Variants in DPYD observed in about 807,000 individuals in gnomAD.
DPYD encodes the protein dihydropyrimidine dehydrogenase, also known as dihydropyrimidine dehydrogenase [NADP(+)].
A neutral mutation model predicts 116.2 loss-of-function variants in DPYD; 109 were observed. The ratio of observed to expected loss-of-function variants is 0.94; its 90% CI spans 0.80 to 1.10. The LOEUF is 1.10. Among genes scored for constraint, DPYD ranks in the 50% least tolerant of loss-of-function variants. DPYD has a pLI of 0.00. For synonymous variants in DPYD, 440 were observed against 432.0 expected (o/e 1.02, Z -0.23); for missense variants, 1,302 against 1,254.5 (o/e 1.04, Z -0.57).
At chr1:97,268,342 C>G (rs1216354832) in intron 18 of DPYD, among the ~76,000 whole-genome samples, 7 of 152,126 alleles carry the variant, frequency 4.6e-5, no homozygotes, top group Admixed American at 4.6e-4. Context: ...GCCTCACTCC[C>G]ATGGCTCTAC....
intron 10 of DPYD, among the ~76,000 whole-genome samples, chr1:97,586,890 A>G (rs61789247): frequency 6.6e-6 from 1 of 152,276 alleles, no homozygotes; most frequent in South Asian, 2.1e-4. Context: ...TAAAATTTTC[A>G]GTATAGAGCT....
At chr1:97,758,058 T>C (rs1036667535) in intron 3 of DPYD, among the ~76,000 whole-genome samples, 4 of 152,142 alleles carry the variant, frequency 2.6e-5, no homozygotes, top group Admixed American at 2.0e-4. Context: ...ACTTCAGTCA[T>C]AGGGCAATCA....
At chr1:97,108,176 G>C (rs1243094398) in intron 20 of DPYD, among the ~76,000 whole-genome samples, 1 of 152,034 alleles carries the variant, frequency 6.6e-6, no homozygotes, top group Non-Finnish European at 1.5e-5. Context: ...CATCTTGCTG[G>C]GGGAGGTAAT....
intron 3 of DPYD, among the ~76,000 whole-genome samples, chr1:97,823,555 G>A (rs565515422): frequency 2.6e-5 from 4 of 151,994 alleles, no homozygotes; most frequent in Non-Finnish European, 5.9e-5. Flanking sequence ...TGAGATGAAC[G>A]TCTTTAAATT....
At chr1:97,477,259 T>G (rs571616662) in intron 13 of DPYD, among the ~76,000 whole-genome samples, 1 of 152,362 alleles carries the variant, frequency 6.6e-6, no homozygotes, top group Admixed American at 6.5e-5. Flanking sequence ...AGGAGCTGAT[T>G]CTATCTCAAT....
intron 13 of DPYD, among the ~76,000 whole-genome samples, chr1:97,456,419 TC>T (rs1676689115): frequency 6.6e-6 from 1 of 152,068 alleles, no homozygotes; most frequent in Non-Finnish European, 1.5e-5. Flanking sequence ...TCTTCATTTT[TC>T]TTTCTGTCTC....
chr1:97,233,096 A>G lies in DPYD; in HGVS notation c.2442+1756T>C, dbSNP rs558428517. On this transcript the variant is annotated intron_variant, in intron 19 of 22. Transcript: ENST00000370192. ...GAGAATGCCACCTCCTTAATGCCAG[A>G]TAGAAGCCCAGGTATCTTACTTGGC... Among the ~76,000 whole-genome samples the G allele has an allele frequency of 2.1e-4, 32 of 152,292 alleles. No individual in the cohort carries two copies. In the South Asian group the frequency reaches 6.6e-3, roughly 32 times the overall value.
At chr1:97,885,736 T>C (rs2101647976) in intron 1 of DPYD, among the ~76,000 whole-genome samples, 1 of 152,182 alleles carries the variant, frequency 6.6e-6, no homozygotes, top group African/African-American at 2.4e-5. Context: ...ACAGTTAATA[T>C]GCAAAAAGAA....
intron 1 of DPYD, among the ~76,000 whole-genome samples, chr1:97,901,200 C>T (rs1248634491): frequency 1.3e-5 from 2 of 151,740 alleles, no homozygotes; most frequent in Non-Finnish European, 2.9e-5. Context: ...AGATTCTTAA[C>T]CCACATATTT....
chr1:97,650,553 G>A (rs1045948607), intron 8 of DPYD, among the ~76,000 whole-genome samples: 3 of 152,072 alleles, frequency 2.0e-5, no homozygotes, highest in African/African-American at 7.2e-5. Context: ...TTTAGTTTAT[G>A]ATGGTGATTA....
intron 12 of DPYD, among the ~76,000 whole-genome samples, chr1:97,544,149 G>A (rs559992575): frequency 6.6e-6 from 1 of 152,132 alleles, no homozygotes; most frequent in African/African-American, 2.4e-5. Flanking sequence ...CAGTGTAGGG[G>A]CATTGGATTT....
intron 14 of DPYD, among the ~76,000 whole-genome samples, chr1:97,445,403 A>T (rs1676018469): frequency 6.6e-6 from 1 of 152,226 alleles, no homozygotes; most frequent in Non-Finnish European, 1.5e-5. Context: ...TTCAGCACAC[A>T]TGCATTAAGA....
chr1:97,712,499 T>A (rs912829585), intron 5 of DPYD, among the ~76,000 whole-genome samples: 3 of 152,140 alleles, frequency 2.0e-5, no homozygotes, highest in African/African-American at 7.2e-5. Context: ...ATTATTTGTG[T>A]TTCATTAGGA....
At chr1:97,198,539 C>T (rs1658971350) in intron 19 of DPYD, among the ~76,000 whole-genome samples, 1 of 152,132 alleles carries the variant, frequency 6.6e-6, no homozygotes, top group Non-Finnish European at 1.5e-5. Flanking sequence ...TTGTCCTTGC[C>T]TAACTTATAT....
chr1:97,580,095 T>C (rs1291664448), intron 10 of DPYD, among the ~76,000 whole-genome samples: 1 of 152,214 alleles, frequency 6.6e-6, no homozygotes, highest in African/African-American at 2.4e-5. Flanking sequence ...AAAAGCATGA[T>C]GTCAACTCAC....
intron 3 of DPYD, among the ~76,000 whole-genome samples, chr1:97,743,788 T>C (rs184629452): frequency 6.6e-6 from 1 of 152,096 alleles, no homozygotes; most frequent in African/African-American, 2.4e-5. Context: ...AAAAGTAACA[T>C]TTAAATTACA....
intron 20 of DPYD, among the ~76,000 whole-genome samples, chr1:97,179,514 G>A (rs914908909): frequency 3.9e-5 from 6 of 152,050 alleles, no homozygotes; most frequent in Admixed American, 1.3e-4. Context: ...GAAGACAAAC[G>A]AAATGCTTTA....
At position 97,700,407 on chromosome 1, in the gene DPYD, A is replaced by G. The variant is rs951360162; in HGVS notation, c.484-860T>C. 1.3e-5 allele frequency: 5 copies of G among 381,508 alleles called. No homozygotes were observed. The East Asian group carries it at 3.6e-4, about 28-fold the overall frequency. The allele number at this position is 381,508 out of a possible 1,614,324, so 23.6% of individuals were successfully genotyped here. A position where few individuals can be genotyped will look rare whatever the true frequency, so the allele number is the denominator to read the frequency against. ...ACCCTATGGTCCAGGAAAAACAAAA[A>G]CTGGAGTGACTAAATAAGAAAGAGC... On this transcript the variant is annotated intron_variant, in intron 5 of 22. Transcript: ENST00000370192.
intron 14 of DPYD, among the ~76,000 whole-genome samples, chr1:97,415,431 G>A (rs1185903234): frequency 2.6e-5 from 4 of 152,124 alleles, no homozygotes; most frequent in African/African-American, 4.8e-5. Flanking sequence ...GGGCTCAAGC[G>A]ATTTTCCTGC....
Sources: gnomAD v4.1 joint callset for allele counts (sites outside exome capture counted in the v4.1 genomes callset) on GRCh38, gnomAD v4.1.1 for gene constraint, MANE v1.5 for transcripts, NCBI Gene and HGNC (gene_info 2026-07-23, HGNC 2026-07-21) for gene names.